The following MUSK variants were observed in gnomAD, a reference collection of about 807,000 sequenced individuals.
The protein encoded by MUSK is muscle associated receptor tyrosine kinase, also known as muscle, skeletal receptor tyrosine-protein kinase.
MUSK carries 55 observed loss-of-function variants against 88.7 expected under a neutral mutation model. The ratio of observed to expected loss-of-function variants is 0.62; its 90% CI spans 0.50 to 0.78. The LOEUF (loss-of-function observed/expected upper bound fraction) is 0.78, where lower values mean the gene tolerates loss of function less well. Ranked by LOEUF, MUSK falls within the 30% of genes least tolerant of loss-of-function variation. MUSK has a pLI of 0.00. For missense variants in MUSK, 1,015 were observed against 1,074.3 expected, an observed-to-expected ratio of 0.94 and a Z score of 0.77; for synonymous variants, 387 against 391.9, an observed-to-expected ratio of 0.99 and a Z score of 0.15.
intron 1 of MUSK, among the ~76,000 whole-genome samples, chr9:110,681,068 ATAT>A (rs2076116310): frequency 1.6e-4 from 2 of 12,166 alleles, no homozygotes; most frequent in Admixed American, 7.6e-4. Flanking sequence ...TATATATATA[ATAT>A]TATATATATT....
intron 5 of MUSK, among the ~76,000 whole-genome samples, chr9:110,718,922 C>T (rs1435191488): frequency 2.6e-5 from 4 of 151,994 alleles, no homozygotes; most frequent in African/African-American, 9.7e-5. Context: ...AAATTGGGGT[C>T]CTATTTTTAG....
intron 9 of MUSK, among the ~76,000 whole-genome samples, chr9:110,771,176 T>TC (rs1047047077): frequency 4.1e-5 from 6 of 146,598 alleles, no homozygotes; most frequent in African/African-American, 1.0e-4. Flanking sequence ...TTTTTTTTTT[T>TC]TTTTTTTGTC....
In MUSK at chr9:110,752,461, G is replaced by A. The variant is rs1451711543; in HGVS notation, c.913+4661G>A. On this transcript the variant is annotated intron_variant, in intron 7 of 14. Transcript: ENST00000374448. The stretch of plus-strand genomic sequence containing the variant: ...GCTTTTGGCCCCTCTCTCGGCATCC[G>A]ATGAGGCTGGCCAGAAGTCCAGAAC... Among the ~76,000 whole-genome samples the A allele has an allele frequency of 2.6e-5, 4 of 152,238 alleles. No homozygotes were observed. The South Asian group carries it at 6.2e-4, about 24-fold the overall frequency.
Position 110,804,462 on chromosome 9 carries a change from A to T in MUSK, c.*3474A>T, listed in dbSNP as rs1337222726. Among the ~76,000 whole-genome samples the T allele has an allele frequency of 6.6e-6, 1 of 152,074 alleles. No individual in the cohort carries two copies. The highest frequency in any genetic ancestry group is 6.5e-5 in the Admixed American group (1 of 15,272). On this transcript the variant is annotated 3_prime_UTR_variant, in exon 15 of 15. Transcript: ENST00000374448. ...CTTTTGTCTCTTTGGTTATAGAAAA[A>T]GAGAACCTCTTTTTAATTTTATTTT...
At chr9:110,686,442 T>TA (rs893760433) in intron 2 of MUSK, among the ~76,000 whole-genome samples, 4 of 152,134 alleles carry the variant, frequency 2.6e-5, no homozygotes, top group Non-Finnish European at 5.9e-5. Flanking sequence ...GCATTTGGCA[T>TA]AAAAAAACTC....
chr9:110,785,993 A>C (rs2077852614), intron 13 of MUSK, among the ~76,000 whole-genome samples: 1 of 149,530 alleles, frequency 6.7e-6, no homozygotes. Context: ...GTAATAATAT[A>C]CTATATAAAA....
intron 6 of MUSK, among the ~76,000 whole-genome samples, chr9:110,744,399 A>G (rs530459205): frequency 9.8e-5 from 15 of 152,326 alleles, no homozygotes; most frequent in African/African-American, 3.4e-4. Context: ...TTATCGGATT[A>G]TCCATAGCTG....
At chr9:110,696,022 T>G (rs2076426008) in intron 4 of MUSK, among the ~76,000 whole-genome samples, 1 of 152,132 alleles carries the variant, frequency 6.6e-6, no homozygotes, top group African/African-American at 2.4e-5. Context: ...TGAAGAGTAG[T>G]CACGCCTGTA....
intron 5 of MUSK, among the ~76,000 whole-genome samples, chr9:110,699,741 T>A (rs11791981): frequency 0.14 from 21,147 of 152,024 alleles, 1,822 homozygotes; most frequent in East Asian, 0.2. Flanking sequence ...CCATCGTCAG[T>A]TGGGGCAGAC....
chr9:110,779,353 C>G (rs886428787), intron 11 of MUSK, among the ~76,000 whole-genome samples: 1 of 152,124 alleles, frequency 6.6e-6, no homozygotes, highest in Non-Finnish European at 1.5e-5. Flanking sequence ...TTCTGGTTCT[C>G]TAGAACTGTC....
chr9:110,773,362 C>G (rs1037988449), intron 9 of MUSK, among the ~76,000 whole-genome samples: 4 of 151,994 alleles, frequency 2.6e-5, no homozygotes, highest in Non-Finnish European at 4.4e-5. Context: ...TTCTTTGAAA[C>G]TTTACCTGAA....
At chr9:110,712,160 A>G (rs769763538) in intron 5 of MUSK, among the ~76,000 whole-genome samples, 283 of 14,008 alleles carry the variant, frequency 0.02, no homozygotes, top group African/African-American at 0.056. Context: ...GTTTATTCTG[A>G]AAAAAAAAAA....
At chr9:110,673,410 T>A (rs1036849925) in intron 1 of MUSK, among the ~76,000 whole-genome samples, 9 of 152,168 alleles carry the variant, frequency 5.9e-5, no homozygotes, top group Admixed American at 4.6e-4. Flanking sequence ...ATCTACCTTT[T>A]TTGTGTTAAA....
At chr9:110,721,974 A>C (rs1236109280) in intron 5 of MUSK, among the ~76,000 whole-genome samples, 1 of 152,176 alleles carries the variant, frequency 6.6e-6, no homozygotes, top group Middle Eastern at 3.2e-3. Context: ...CAAAGCAAAC[A>C]AAAGTATAAA....
At chr9:110,726,110 A>C (rs1254152798) in intron 5 of MUSK, among the ~76,000 whole-genome samples, 2 of 152,086 alleles carry the variant, frequency 1.3e-5, no homozygotes, top group Non-Finnish European at 2.9e-5. Context: ...ATGTTAATGC[A>C]TAAACATATA....
intron 3 of MUSK, among the ~76,000 whole-genome samples, chr9:110,689,121 A>C (rs1370805296): frequency 2.2e-5 from 3 of 134,496 alleles, no homozygotes; most frequent in Non-Finnish European, 4.6e-5. Context: ...TAATTTATTT[A>C]TATAAACTAC....
At chr9:110,691,482 C>G (rs981127173) in intron 3 of MUSK, among the ~76,000 whole-genome samples, 1 of 152,148 alleles carries the variant, frequency 6.6e-6, no homozygotes, top group South Asian at 2.1e-4. Context: ...GTTCTCCTTT[C>G]CATTGATTCC....
chr9:110,674,106 C>A (rs1052206245), intron 1 of MUSK, among the ~76,000 whole-genome samples: 1 of 151,876 alleles, frequency 6.6e-6, no homozygotes. Flanking sequence ...ATTTGTTGCT[C>A]TTGTTTATTT....
chr9:110,750,862 T>C (rs1210574710), intron 7 of MUSK, among the ~76,000 whole-genome samples: 2 of 152,200 alleles, frequency 1.3e-5, no homozygotes, highest in African/African-American at 2.4e-5. Flanking sequence ...AATTGATCAA[T>C]ACACCTCTAT....
Sources: allele counts gnomAD v4.1 joint callset (sites outside exome capture counted in the v4.1 genomes callset), GRCh38; gene constraint gnomAD v4.1.1; transcripts MANE v1.5; gene names NCBI Gene and HGNC (gene_info 2026-07-23, HGNC 2026-07-21).